Variants in SH3D19 observed in about 807,000 individuals in gnomAD.
SH3D19 encodes the protein SH3 domain containing 19, also known as SH3 domain-containing protein 19.
A neutral mutation model predicts 112.1 loss-of-function variants in SH3D19; 58 were observed. The ratio of observed to expected loss-of-function variants is 0.52; its 90% CI spans 0.42 to 0.64. The LOEUF (loss-of-function observed/expected upper bound fraction) is 0.64. SH3D19 is among the 30% of genes least tolerant of loss of function. SH3D19 has a pLI of 0.00. For missense variants in SH3D19, 1,090 were observed against 1,263.4 expected (o/e 0.86, Z 2.08); for synonymous variants, 391 against 448.5 (o/e 0.87, Z 1.62).
At chr4:151,322,810 G>A (rs1020648419) in intron 1 of SH3D19, among the ~76,000 whole-genome samples, 1 of 152,118 alleles carries the variant, frequency 6.6e-6, no homozygotes, top group Non-Finnish European at 1.5e-5. Flanking sequence ...ATAATCTCAA[G>A]TCATTACTTG....
chr4:151,244,566 A>G (rs1770796218), intron 1 of SH3D19, among the ~76,000 whole-genome samples: 1 of 152,240 alleles, frequency 6.6e-6, no homozygotes, highest in South Asian at 2.1e-4. Flanking sequence ...ATGTAAATCC[A>G]GGTCTATTTT....
At chr4:151,124,004 A>G (rs1360818312) in intron 19 of SH3D19, among the ~76,000 whole-genome samples, 2 of 152,182 alleles carry the variant, frequency 1.3e-5, no homozygotes, top group Non-Finnish European at 2.9e-5. Context: ...TTTGTTATAA[A>G]TAAGTTCCTT....
chr4:151,282,548 A>C (rs1337860289), intron 1 of SH3D19: 3 of 862,934 alleles, frequency 3.5e-6, no homozygotes, highest in African/African-American at 3.4e-5. Context: ...ATTATCTATA[A>C]GTTTTTAAAT....
At chr4:151,167,960 T>C (rs1459716319) in intron 7 of SH3D19, among the ~76,000 whole-genome samples, 1 of 152,258 alleles carries the variant, frequency 6.6e-6, no homozygotes, top group Admixed American at 6.5e-5. Flanking sequence ...CAGCCTTGTG[T>C]GTGATCTTTT....
chr4:151,282,066 G>A (rs550999454), intron 1 of SH3D19: 4 of 1,443,156 alleles, frequency 2.8e-6, no homozygotes, highest in Admixed American at 1.9e-5. Flanking sequence ...CCTTTCTTGA[G>A]TAGAGACTTA....
At chr4:151,264,427 CAA>C (rs34271780) in intron 1 of SH3D19, among the ~76,000 whole-genome samples, 2 of 106,102 alleles carry the variant, frequency 1.9e-5, no homozygotes, top group Non-Finnish European at 1.8e-5. Flanking sequence ...GACTCTGTCT[CAA>C]AAAAAAAAAA....
chr4:151,188,705 C>T (rs1762157341), intron 2 of SH3D19, among the ~76,000 whole-genome samples: 1 of 152,162 alleles, frequency 6.6e-6, no homozygotes, highest in African/African-American at 2.4e-5. Context: ...TTTAAAACAT[C>T]CTTTGTCTCT....
chr4:151,244,312 T>G (rs545424576), intron 1 of SH3D19, among the ~76,000 whole-genome samples: 3 of 152,174 alleles, frequency 2.0e-5, no homozygotes, highest in African/African-American at 7.2e-5. Flanking sequence ...GTATATGAAT[T>G]TGGAGAACAA....
chr4:151,200,957 C>T (rs1764312467), intron 2 of SH3D19, among the ~76,000 whole-genome samples: 1 of 152,206 alleles, frequency 6.6e-6, no homozygotes, highest in African/African-American at 2.4e-5. Context: ...CATTTATCAG[C>T]ATACCACTGC....
At chr4:151,253,229 T>A (rs1771544657) in intron 1 of SH3D19, among the ~76,000 whole-genome samples, 1 of 152,164 alleles carries the variant, frequency 6.6e-6, no homozygotes, top group Non-Finnish European at 1.5e-5. Flanking sequence ...GGCCATAGTG[T>A]TTCCTAAACG....
At chr4:151,188,465 C>T (rs1387198417) in intron 2 of SH3D19, among the ~76,000 whole-genome samples, 2 of 152,184 alleles carry the variant, frequency 1.3e-5, no homozygotes, top group Non-Finnish European at 2.9e-5. Flanking sequence ...GCATTATATA[C>T]TTACCAGTTA....
At chr4:151,227,929 ACT>A (rs1396241199) in intron 1 of SH3D19, 6 of 985,246 alleles carry the variant, frequency 6.1e-6, no homozygotes, top group Non-Finnish European at 7.2e-6. Flanking sequence ...TGTAAACAAG[ACT>A]CAGTATCCAA....
intron 1 of SH3D19, among the ~76,000 whole-genome samples, chr4:151,280,118 G>GCGGAAGGAAACC (rs1554066269): frequency 6.6e-6 from 1 of 152,210 alleles, no homozygotes; most frequent in Admixed American, 6.5e-5. Flanking sequence ...TAGAGACAGG[G>GCGGAAGGAAACC]CATAGAAGTA....
chr4:151,302,255 G>A (rs2126333093), intron 1 of SH3D19, among the ~76,000 whole-genome samples: 1 of 152,332 alleles, frequency 6.6e-6, no homozygotes, highest in East Asian at 1.9e-4. Context: ...CACCACAGGT[G>A]AGGCTGAGCT....
rs747359439 is a variant in SH3D19 at position 151,128,154 on chromosome 4, C to T, written c.2929+16G>A. 6.3e-7 allele frequency: 1 copy of T among 1,580,842 alleles called. No homozygotes were observed. Among genetic ancestry groups the T allele is most frequent in the East Asian group, 2.3e-5 (1 of 43,942 alleles). ...TCCCCGTGAGGAGTCGCATTCATGT[C>T]TTGCGGTTGTCATACCTGGGCAGGG... On this transcript the variant is annotated intron_variant, in intron 18 of 19. Coordinates refer to ENST00000604030, the MANE Select transcript of SH3D19 (RefSeq NM_001378122.1).
chr4:151,144,029 G>A lies in SH3D19; in HGVS notation c.2104C>T (p.Leu702=), dbSNP rs1262867284. The A allele has an allele frequency of 1.2e-6, 2 of 1,613,958 alleles. No homozygotes were observed. The highest frequency in any genetic ancestry group is 2.2e-5 in the South Asian group (2 of 91,044). ...KYMRGDVLVM[L]KQTENNYLEC... ...AAGTAATTATTTTCCGTCTGCTTCA[G>A]CATCACAAGTACATCCCCACGCTGC... Residue 702 remains leucine, a synonymous_variant, in exon 12 of 20, where the codon CTG becomes TTG. Coordinates refer to ENST00000604030, the MANE Select transcript of SH3D19 (RefSeq NM_001378122.1).
At position 151,272,792 on chromosome 4, in the gene SH3D19, TA is replaced by T. The variant is rs540375458; in HGVS notation, c.113-46707del. ...TTTTTTTTTTAACAAGGATACTTCA[TA>T]GGGGGTAACATCAGGAGGCACATGT... On this transcript the variant is annotated intron_variant, in intron 1 of 19. Coordinates refer to ENST00000604030, the MANE Select transcript of SH3D19 (RefSeq NM_001378122.1). Among the ~76,000 whole-genome samples the T allele has an allele frequency of 1.2e-3, 167 of 139,290 alleles. 1 individual carries two copies. Among genetic ancestry groups the T allele is most frequent in the African/African-American group, 4.0e-3 (158 of 39,414 alleles). 91.4% of individuals were successfully genotyped at this position (139,290 alleles called of 152,430 possible).
chr4:151,187,983 T>C (rs976374664), intron 2 of SH3D19, among the ~76,000 whole-genome samples: 10 of 152,118 alleles, frequency 6.6e-5, no homozygotes, highest in African/African-American at 1.9e-4. Context: ...TCCCTGTCTC[T>C]CTCTCCCCCT....
chr4:151,291,307 A>G (rs1255955174), intron 1 of SH3D19: 10 of 1,613,760 alleles, frequency 6.2e-6, no homozygotes, highest in Non-Finnish European at 6.8e-6. Context: ...CTTGTTCCCT[A>G]TTGTCCTACT....
Sources: allele counts gnomAD v4.1 joint callset (sites outside exome capture counted in the v4.1 genomes callset), GRCh38; gene constraint gnomAD v4.1.1; transcripts MANE v1.5; gene names NCBI Gene and HGNC (gene_info 2026-07-23, HGNC 2026-07-21).